RNLS: variants seen among roughly 807,000 people sequenced by gnomAD.
The protein encoded by RNLS is renalase.
Under a neutral mutation model 39.8 loss-of-function variants are expected in RNLS, and 39 were observed. That is an observed-to-expected ratio of 0.98 (90% confidence interval 0.76 to 1.28). The LOEUF (loss-of-function observed/expected upper bound fraction) is 1.28. Ranked by LOEUF, RNLS falls within the 50% of genes most tolerant of loss-of-function variation. The pLI is 0.00. For synonymous variants in RNLS, 147 were observed against 150.7 expected (o/e 0.98, Z 0.18); for missense variants, 410 against 413.3 (o/e 0.99, Z 0.07).
intron 4 of RNLS, among the ~76,000 whole-genome samples, chr10:88,380,860 G>A (rs553297660): frequency 1.3e-5 from 2 of 152,026 alleles, no homozygotes; most frequent in African/African-American, 2.4e-5. Flanking sequence ...CTTTTTAGAT[G>A]GATAGTCAGT....
chr10:88,244,311 C>T, the RNLS span, among the ~76,000 whole-genome samples: 1 of 152,232 alleles, frequency 6.6e-6, no homozygotes, highest in Non-Finnish European at 1.5e-5. Context: ...CAGATCCGTA[C>T]ACCATGTTCT....
chr10:88,194,163 C>A, the RNLS span, among the ~76,000 whole-genome samples: 1 of 152,204 alleles, frequency 6.6e-6, no homozygotes, highest in Non-Finnish European at 1.5e-5. Context: ...AGCAGGATTT[C>A]TCAACCTCAG....
At chr10:88,582,037 T>C (rs1197140167) in intron 2 of RNLS, among the ~76,000 whole-genome samples, 165 bp downstream of exon 2, 1 of 152,254 alleles carries the variant, frequency 6.6e-6, no homozygotes, top group African/African-American at 2.4e-5. Context: ...GTTCAGAAGA[T>C]TGACTCCCAT....
In RNLS at chr10:88,359,693, T is replaced by A. The variant is rs1012246346; in HGVS notation, c.700+2859A>T. 2.6e-5 allele frequency among the ~76,000 whole-genome samples: 4 copies of A among 152,228 alleles called. No homozygotes were observed. In the East Asian group the frequency reaches 5.8e-4, roughly 22 times the overall value. The stretch of plus-strand genomic sequence containing the variant: ...ATTGTATGATTGCTGATATAAAAAA[T>A]TTTTAAAATTCTATTATTTCAAATG... On this transcript the variant is annotated intron_variant, in intron 5 of 6. Transcript: ENST00000331772.
At chr10:88,246,637 G>A in the RNLS span, among the ~76,000 whole-genome samples, 4 of 150,692 alleles carry the variant, frequency 2.7e-5, no homozygotes, top group Admixed American at 6.6e-5. Context: ...TTTCCTTCCC[G>A]TTCCTTTCCC....
intron 4 of RNLS, among the ~76,000 whole-genome samples, chr10:88,462,149 G>C (rs967415785): frequency 6.6e-6 from 1 of 151,816 alleles, no homozygotes; most frequent in Non-Finnish European, 1.5e-5. Flanking sequence ...TGTGTGTTTT[G>C]ACAAACCACT....
At chr10:88,187,973 A>G in the RNLS span, among the ~76,000 whole-genome samples, 1 of 152,346 alleles carries the variant, frequency 6.6e-6, no homozygotes, top group Admixed American at 6.5e-5. Context: ...ACAAACATGC[A>G]TTCCTGCAAT....
intron 4 of RNLS, among the ~76,000 whole-genome samples, chr10:88,556,567 A>G (rs2134363134): frequency 6.6e-6 from 1 of 152,308 alleles, no homozygotes; most frequent in Non-Finnish European, 1.5e-5. Flanking sequence ...ACAAAGCCCT[A>G]TTTAATTGAG....
intron 4 of RNLS, among the ~76,000 whole-genome samples, chr10:88,497,078 A>T (rs949805354): frequency 2.0e-5 from 3 of 152,270 alleles, no homozygotes; most frequent in Non-Finnish European, 4.4e-5. Flanking sequence ...TGCTAGTAGC[A>T]TCAGAGGTAG....
chr10:88,581,280 ATGTG>A (rs374360845), intron 3 of RNLS, among the ~76,000 whole-genome samples: 9,479 of 142,538 alleles, frequency 0.067, 394 homozygotes, highest in Admixed American at 0.14. Context: ...ATATATATGT[ATGTG>A]TGTGTGTGTG....
downstream of RNLS, among the ~76,000 whole-genome samples, chr10:88,283,297 A>G (rs568224675): frequency 9.1e-4 from 138 of 152,310 alleles, 1 homozygote; most frequent in African/African-American, 3.0e-3. Context: ...GTTTTTCCTC[A>G]TATTGCCATA....
chr10:88,215,648 C>T, the RNLS span, among the ~76,000 whole-genome samples: 1 of 151,114 alleles, frequency 6.6e-6, no homozygotes, highest in South Asian at 2.1e-4. Flanking sequence ...CACATTTAGA[C>T]CATTCATTAT....
intron 4 of RNLS, among the ~76,000 whole-genome samples, chr10:88,541,132 T>C (rs900775506): frequency 1.3e-5 from 2 of 152,276 alleles, no homozygotes; most frequent in Admixed American, 6.5e-5. Context: ...TTCTGTTATA[T>C]AGAAAGGAAA....
intron 4 of RNLS, among the ~76,000 whole-genome samples, chr10:88,526,897 G>C (rs1427290381): frequency 2.6e-5 from 4 of 151,224 alleles, no homozygotes; most frequent in Non-Finnish European, 5.9e-5. Context: ...CTGCAGAAAT[G>C]TTAAGGAACT....
intron 4 of RNLS, among the ~76,000 whole-genome samples, chr10:88,476,569 C>A (rs552441917): frequency 8.5e-5 from 13 of 152,140 alleles, no homozygotes; most frequent in Non-Finnish European, 1.9e-4. Flanking sequence ...TGAAAAGCAA[C>A]ATTCCTTTAT....
intron 5 of RNLS, among the ~76,000 whole-genome samples, chr10:88,327,344 G>T (rs1392945545): frequency 6.6e-6 from 1 of 152,144 alleles, no homozygotes; most frequent in Non-Finnish European, 1.5e-5. Context: ...CTGATGTGAG[G>T]TGATTGGATC....
intron 4 of RNLS, among the ~76,000 whole-genome samples, chr10:88,376,057 A>C (rs1037270857): frequency 6.6e-6 from 1 of 152,064 alleles, no homozygotes; most frequent in Non-Finnish European, 1.5e-5. Context: ...AATAGGTGTT[A>C]ATCTGTGGGG....
chr10:88,324,455 G>T (rs1015427779), intron 5 of RNLS, among the ~76,000 whole-genome samples: 2 of 144,778 alleles, frequency 1.4e-5, no homozygotes, highest in Admixed American at 1.4e-4. Flanking sequence ...TAAAACAGAA[G>T]ATCAAATACC....
chr10:88,399,489 T>C (rs1453213829), intron 4 of RNLS, among the ~76,000 whole-genome samples: 1 of 152,022 alleles, frequency 6.6e-6, no homozygotes, highest in Non-Finnish European at 1.5e-5. Context: ...TGCTATAACA[T>C]GGATGATCCT....
Sources: allele counts gnomAD v4.1 joint callset (sites outside exome capture counted in the v4.1 genomes callset), GRCh38; gene constraint gnomAD v4.1.1; transcripts MANE v1.5; gene names NCBI Gene and HGNC (gene_info 2026-07-23, HGNC 2026-07-21).